ZNF106: variants seen among roughly 807,000 people sequenced by gnomAD.
The protein encoded by ZNF106 is SH3-domain binding protein 3.
In ZNF106, 67 loss-of-function variants were observed where a neutral mutation model predicts 195.1. That is an observed-to-expected ratio of 0.34 (90% CI 0.28 to 0.42). The LOEUF (loss-of-function observed/expected upper bound fraction) is 0.42, where lower values mean the gene tolerates loss of function less well. ZNF106 is among the 10% of genes least tolerant of loss of function. ZNF106 has a pLI of 1.00. For missense variants in ZNF106, 2,118 were observed against 2,304.5 expected (o/e 0.92, Z 1.66); for synonymous variants, 784 against 818.6 (o/e 0.96, Z 0.72).
chr15:42,433,356 C>T (rs751560135), intron 14 of ZNF106, among the ~76,000 whole-genome samples: 9 of 152,062 alleles, frequency 5.9e-5, no homozygotes, highest in Non-Finnish European at 1.0e-4. Flanking sequence ...CCGCCCACCT[C>T]GGCCTCCCAA....
chr15:42,427,491 C>T (rs1475198759), intron 15 of ZNF106: 1 of 153,040 alleles, frequency 6.5e-6, no homozygotes, highest in Non-Finnish European at 1.5e-5. Context: ...CCTCTTAGTT[C>T]ACCTCACAGA....
chr15:42,429,681 T>C (rs2054985364), intron 14 of ZNF106, among the ~76,000 whole-genome samples: 1 of 151,926 alleles, frequency 6.6e-6, no homozygotes, highest in African/African-American at 2.4e-5. Flanking sequence ...ATATATGAAA[T>C]TGTAAGATAC....
chr15:42,455,630 C>A (rs554901437), intron 4 of ZNF106, among the ~76,000 whole-genome samples: 8 of 152,256 alleles, frequency 5.3e-5, no homozygotes, highest in Middle Eastern at 3.4e-3. Context: ...AAAGCCCTGG[C>A]CTCGTCTCCT....
intron 10 of ZNF106, 103 bp from the exon 11 acceptor site, chr15:42,439,916 C>A: frequency 4.8e-6 from 6 of 1,254,458 alleles, no homozygotes; most frequent in Non-Finnish European, 6.4e-6. Flanking sequence ...TTCAGAAAAC[C>A]ATGACTGTTT....
intron 1 of ZNF106, among the ~76,000 whole-genome samples, chr15:42,478,867 G>A (rs933099256): frequency 5.9e-5 from 9 of 152,078 alleles, no homozygotes; most frequent in Admixed American, 1.3e-4. Flanking sequence ...TGTCACAGAG[G>A]ATACCACATT....
At chr15:42,433,646 C>T (rs938556260) in intron 14 of ZNF106, among the ~76,000 whole-genome samples, 1 of 151,454 alleles carries the variant, frequency 6.6e-6, no homozygotes, top group African/African-American at 2.4e-5. Flanking sequence ...CCACACCCGA[C>T]TAATTTTCAT....
At chr15:42,455,343 T>A (rs1173765513) in intron 4 of ZNF106, among the ~76,000 whole-genome samples, 1 of 152,214 alleles carries the variant, frequency 6.6e-6, no homozygotes, top group African/African-American at 2.4e-5. Flanking sequence ...ACACCTTTTA[T>A]ACACAGTCTG....
At chr15:42,441,741 T>A in intron 10 of ZNF106, 1 of 186,328 alleles carries the variant, frequency 5.4e-6, no homozygotes, top group Non-Finnish European at 1.1e-5. Context: ...ATAGACCTTA[T>A]TCAGAAAATT....
intron 20 of ZNF106, among the ~76,000 whole-genome samples, chr15:42,419,478 G>A (rs2141254026): frequency 6.6e-6 from 1 of 152,018 alleles, no homozygotes; most frequent in East Asian, 1.9e-4. Context: ...GGAGGCTGAA[G>A]CTGCAGTGAC....
chr15:42,445,002 G>A (rs772344481), intron 7 of ZNF106, 21 bp from the exon 8 acceptor site: 4 of 1,613,512 alleles, frequency 2.5e-6, no homozygotes, highest in Non-Finnish European at 3.4e-6. Flanking sequence ...AAATCATAAG[G>A]TTCAGGTTAA....
At chr15:42,488,427 A>G (rs2057063748) in intron 1 of ZNF106, among the ~76,000 whole-genome samples, 1 of 152,128 alleles carries the variant, frequency 6.6e-6, no homozygotes, top group South Asian at 2.1e-4. Flanking sequence ...TTTCTTTCAG[A>G]TTAAAACATG....
rs186699184 is a variant in ZNF106, at chr15:42,476,188, G to A, written c.-32-3867C>T. On this transcript the variant is annotated intron_variant, in intron 1 of 21. Coordinates refer to ENST00000564754, the MANE Select transcript of ZNF106 (RefSeq NM_001366845.3). The stretch of plus-strand genomic sequence containing the variant: ...ATAACTGCCAGCAAAGTATTCAATC[G>A]ATAAGGAAGATTTAGTATTTAAACC... Among the ~76,000 whole-genome samples, 248 of 152,110 alleles carry A rather than the reference G, an allele frequency of 1.6e-3. 2 individuals carry two copies. Among genetic ancestry groups the A allele is most frequent in the African/African-American group, 5.8e-3 (241 of 41,476 alleles).
chr15:42,461,644 G>A (rs557996205), intron 3 of ZNF106, among the ~76,000 whole-genome samples: 1 of 152,292 alleles, frequency 6.6e-6, no homozygotes, highest in South Asian at 2.1e-4. Flanking sequence ...AACCAAGTAA[G>A]ACCAGTTACT....
Position 42,450,490 on chromosome 15 carries a change from T to C in ZNF106, c.1782A>G (p.Glu594=). 2 of 1,614,066 alleles carry C rather than the reference T, an allele frequency of 1.2e-6. No individual in the cohort carries two copies. Among genetic ancestry groups the C allele is most frequent in the Non-Finnish European group, 1.7e-6 (2 of 1,180,014 alleles). ...NYAKASRNVE[E]SEKGSLKIEF... is the part of the protein sequence containing the mutation. ...CAATTTTCAAAGACCCTTTTTCAGA[T>C]TCTTCTACATTTCTACTTGCTTTTG... is the stretch of plus-strand genomic sequence containing the variant. The change falls in exon 5 of 22, where the codon GAA becomes GAG. Residue 594 remains glutamate, a synonymous_variant. Transcript: ENST00000564754.
intron 10 of ZNF106, among the ~76,000 whole-genome samples, chr15:42,440,115 G>A (rs1342560814): frequency 6.6e-6 from 1 of 152,132 alleles, no homozygotes; most frequent in East Asian, 1.9e-4. Context: ...TAACATTGTG[G>A]TTTATTCTTA....
At chr15:42,432,366 C>T (rs538401983) in intron 14 of ZNF106, among the ~76,000 whole-genome samples, 4 of 151,796 alleles carry the variant, frequency 2.6e-5, no homozygotes, top group Non-Finnish European at 4.4e-5. Context: ...ATTATGTTAC[C>T]GAGGCTGGTC....
chr15:42,451,218 T>C lies in ZNF106; in HGVS notation c.1054A>G (p.Thr352Ala). 6.2e-7 allele frequency: 1 copy of C among 1,614,076 alleles called. No homozygotes were observed. The highest frequency in any genetic ancestry group is 8.5e-7 in the Non-Finnish European group (1 of 1,180,002). ...LESQTTKQAD[T>A]ATSKVSGKNG... is the part of the protein sequence containing the mutation. ...TTTCCACTAACTTTGGAAGTAGCAG[T>C]GTCTGCTTGTTTAGTGGTTTGGCTT... Residue 352 changes from threonine to alanine, a missense_variant, in exon 5 of 22, where the codon ACT (threonine) becomes GCT (alanine). Thr to Ala is a moderately conservative substitution (Grantham distance 58, BLOSUM62 0). Coordinates refer to ENST00000564754, the MANE Select transcript of ZNF106 (RefSeq NM_001366845.3).
chr15:42,449,867 C>T lies in ZNF106; in HGVS notation c.2405G>A (p.Arg802Gln), dbSNP rs780575728. The T allele has an allele frequency of 4.3e-6, 7 of 1,613,996 alleles. No homozygotes were observed. In the South Asian group the frequency reaches 4.4e-5, roughly 10 times the overall value. Reference sequence around the variant, plus strand: ...TCTCCGAGATGCATTTAGAATCTGCCGTAGGGTTGGCTTGAGCCCAGACTC... The same window carrying T: ...TCTCCGAGATGCATTTAGAATCTGCTGTAGGGTTGGCTTGAGCCCAGACTC... ...EKESGLKPTL[R>Q]QILNASRRNV... The change falls in exon 5 of 22, where the codon CGG (arginine) becomes CAG (glutamine). Residue 802 changes from arginine (R) to glutamine (Q), a missense_variant. By Grantham distance (43) the Arg-to-Gln change is conservative. Transcript: ENST00000564754.
rs2054324873 is a variant in ZNF106 at position 42,413,142 on chromosome 15, TGTA to T, written c.*4159_*4161del. 2 of 152,144 alleles carry T rather than the reference TGTA, an allele frequency of 1.3e-5. No individual in the cohort carries two copies. The highest frequency in any genetic ancestry group is 1.3e-4 in the Admixed American group (2 of 15,264). The allele number at this position is 152,144 out of a possible 1,614,324, so 9.4% of individuals were successfully genotyped here. On this transcript the variant is annotated 3_prime_UTR_variant, in exon 22 of 22. Coordinates refer to ENST00000564754, the MANE Select transcript of ZNF106 (RefSeq NM_001366845.3). ...TTGAATTTAGAGTGAATCTGGGAAATGTAGTCACCAGGTAACCCAGCAGGGCCA... is the reference window on the plus strand; with the variant it reads ...TTGAATTTAGAGTGAATCTGGGAAATGTCACCAGGTAACCCAGCAGGGCCA...
Sources: allele counts gnomAD v4.1 joint callset (sites outside exome capture counted in the v4.1 genomes callset), GRCh38; gene constraint gnomAD v4.1.1; transcripts MANE v1.5; gene names NCBI Gene and HGNC (gene_info 2026-07-23, HGNC 2026-07-21).